The following ZNF606 variants were observed in gnomAD, a reference collection of about 807,000 sequenced individuals.
The protein encoded by ZNF606 is zinc finger protein 328.
In ZNF606, 37 loss-of-function variants were observed where a neutral mutation model predicts 74.9. The observed-to-expected ratio is 0.49, with a 90% CI of 0.38 to 0.65. The LOEUF is 0.65. Ranked by LOEUF, ZNF606 falls within the 30% of genes least tolerant of loss-of-function variation. The pLI is 0.00. For synonymous variants in ZNF606, 328 were observed against 312.4 expected (o/e 1.05, Z -0.53); for missense variants, 852 against 952.9 (o/e 0.89, Z 1.39).
chr19:58,001,052 C>A, intron 2 of ZNF606: 1 of 557,438 alleles, frequency 1.8e-6, no homozygotes, highest in Admixed American at 3.4e-5. Context: ...CCCCACAAAC[C>A]ACCAGAAAAA....
Position 58,002,676 on chromosome 19 carries a change from G to A in ZNF606, c.-332C>T, listed in dbSNP as rs537241242. 177 of 454,440 alleles carry A rather than the reference G, an allele frequency of 3.9e-4. 3 individuals are homozygous for A. The highest frequency in any genetic ancestry group is 3.3e-3 in the African/African-American group (164 of 49,936). 28.2% of individuals were successfully genotyped at this position (454,440 alleles called of 1,614,324 possible). On this transcript the variant is annotated 5_prime_UTR_variant, in exon 1 of 7. Transcript: ENST00000551380. ...CGACGGCGCAAAGCCGGCGCGGAAA[G>A]GGCAGGCGCAGGACCCACCCTGACG... is the stretch of plus-strand genomic sequence containing the variant.
At chr19:57,989,681 A>C (rs1444754895) in intron 4 of ZNF606, among the ~76,000 whole-genome samples, 1 of 151,670 alleles carries the variant, frequency 6.6e-6, no homozygotes, top group Non-Finnish European at 1.5e-5. Context: ...TCCTGATCTC[A>C]AGTGATCCGC....
rs1468016682 is a variant in ZNF606, at chr19:57,979,687, T to C, written c.993A>G (p.Ser331=). The C allele has an allele frequency of 2.5e-6, 4 of 1,613,630 alleles. No individual in the cohort carries two copies. The South Asian group carries it at 4.4e-5, about 18-fold the overall frequency. The change falls in exon 7 of 7, where the codon TCA becomes TCG. Residue 331 remains serine, a synonymous_variant. Coordinates refer to ENST00000551380, the MANE Select transcript of ZNF606 (RefSeq NM_001348022.3). ...ECHQIFNQSP[S]FNEHPRLHVG... ...CATGAAGCCTTGGGTGTTCATTAAA[T>C]GATGGGCTCTGGTTAAAGATTTGAT...
intron 6 of ZNF606, among the ~76,000 whole-genome samples, chr19:57,982,364 T>C (rs1030355392): frequency 1.3e-5 from 2 of 152,164 alleles, no homozygotes; most frequent in Non-Finnish European, 2.9e-5. Context: ...TGTGAGTACA[T>C]TTAGAATCCA....
Position 57,979,126 on chromosome 19 carries a change from C to T in ZNF606, c.1554G>A (p.Gly518=). 1 of 1,613,934 alleles carries T rather than the reference C, an allele frequency of 6.2e-7. No individual in the cohort carries two copies. Among genetic ancestry groups the T allele is most frequent in the Non-Finnish European group, 8.5e-7 (1 of 1,179,960 alleles). Residue 518 remains glycine, a synonymous_variant, in exon 7 of 7, where the codon GGG becomes GGA. Coordinates refer to ENST00000551380, the MANE Select transcript of ZNF606 (RefSeq NM_001348022.3). ...GATGGGAGCTCCAGCTGAATGATTT[C>T]CCACATTCAGTACATTCAAAAGGTT... is the stretch of plus-strand genomic sequence containing the variant. ...GEKPFECTEC[G]KSFSWSSHLI...
At chr19:57,994,292 TAG>T (rs2073303292) in intron 4 of ZNF606, among the ~76,000 whole-genome samples, 1 of 149,574 alleles carries the variant, frequency 6.7e-6, no homozygotes. Context: ...ACATGGAATA[TAG>T]AGAGATCAGA....
intron 4 of ZNF606, among the ~76,000 whole-genome samples, chr19:57,993,107 A>C (rs79872822): frequency 0.026 from 4,027 of 152,212 alleles, 202 homozygotes; most frequent in African/African-American, 0.093. Flanking sequence ...TTGCAGATGG[A>C]GGACAGGGCA....
At chr19:57,990,181 G>A (rs1322583218) in intron 4 of ZNF606, among the ~76,000 whole-genome samples, 8 of 150,822 alleles carry the variant, frequency 5.3e-5, no homozygotes, top group South Asian at 2.1e-4. Context: ...GCTAACACGC[G>A]GTAAAACATC....
intron 6 of ZNF606, among the ~76,000 whole-genome samples, chr19:57,983,208 A>G (rs535622064): frequency 1.3e-5 from 2 of 152,334 alleles, no homozygotes; most frequent in Non-Finnish European, 2.9e-5. Flanking sequence ...ACAAGGCAAG[A>G]AAGTACGGTC....
chr19:57,990,364 C>T (rs1419912492), intron 4 of ZNF606, among the ~76,000 whole-genome samples: 1 of 109,494 alleles, frequency 9.1e-6, no homozygotes, highest in African/African-American at 2.9e-5. Context: ...GACTCTGTCT[C>T]AAAAAAAAAA....
chr19:57,987,112 C>T (rs772753966), intron 6 of ZNF606, among the ~76,000 whole-genome samples: 5 of 151,986 alleles, frequency 3.3e-5, no homozygotes, highest in African/African-American at 4.8e-5. Context: ...TTGTAATCCC[C>T]AGGGCAACTA....
intron 4 of ZNF606, among the ~76,000 whole-genome samples, chr19:57,991,750 A>G (rs1397140745): frequency 6.6e-6 from 1 of 151,920 alleles, no homozygotes; most frequent in Non-Finnish European, 1.5e-5. Context: ...ACTGCACTCC[A>G]GCCTGGGCGA....
At chr19:58,002,958 TGCGTCGAA>T (rs763798510), upstream of ZNF606, 2 of 455,960 alleles carry the variant, frequency 4.4e-6, no homozygotes, top group South Asian at 3.1e-5. Context: ...TTCTGGCACC[TGCGTCGAA>T]GCCGGCGGCA....
At chr19:57,992,885 C>G (rs1202688037) in intron 4 of ZNF606, among the ~76,000 whole-genome samples, 1 of 152,172 alleles carries the variant, frequency 6.6e-6, no homozygotes, top group Non-Finnish European at 1.5e-5. Flanking sequence ...ATAACACCCC[C>G]CAAAGGATGC....
In ZNF606 at chr19:58,000,643, A is replaced by G. The variant is rs758500158; in HGVS notation, c.88+40T>C. The G allele has an allele frequency of 3.1e-6, 5 of 1,611,556 alleles. No individual in the cohort carries two copies. The South Asian group carries it at 4.4e-5, about 14-fold the overall frequency. Reference sequence around the variant, plus strand: ...TGGCAGAGCACTACAGCCAGAGGCCACAATATGGCAGCCCACAGCTGACCA... The same window carrying G: ...TGGCAGAGCACTACAGCCAGAGGCCGCAATATGGCAGCCCACAGCTGACCA... On this transcript the variant is annotated intron_variant, in intron 3 of 6. Coordinates refer to ENST00000551380, the MANE Select transcript of ZNF606 (RefSeq NM_001348022.3).
At chr19:57,999,982 C>G in intron 3 of ZNF606, 86 bp from the exon 4 acceptor site, 1 of 1,164,062 alleles carries the variant, frequency 8.6e-7, no homozygotes, top group Non-Finnish European at 1.2e-6. Flanking sequence ...CCAGCCCCTG[C>G]CCCTCCCCCT....
chr19:58,002,127 G>A (rs780662905), intron 1 of ZNF606: 2 of 456,022 alleles, frequency 4.4e-6, no homozygotes, highest in South Asian at 3.1e-5. Flanking sequence ...ACCGTACTTT[G>A]CACCATTATT....
At chr19:57,987,752 C>T (rs548041930) in intron 6 of ZNF606, among the ~76,000 whole-genome samples, 20 of 152,084 alleles carry the variant, frequency 1.3e-4, no homozygotes, top group African/African-American at 4.6e-4. Context: ...CGCTTGAACC[C>T]GGGAGGCAGA....
intron 4 of ZNF606, among the ~76,000 whole-genome samples, chr19:57,992,216 G>A (rs551949574): frequency 2.0e-5 from 3 of 152,314 alleles, no homozygotes; most frequent in East Asian, 3.9e-4. Flanking sequence ...CTGCTCAGCT[G>A]CAGGTGAAAG....
Sources: gnomAD v4.1 joint callset for allele counts (sites outside exome capture counted in the v4.1 genomes callset) on GRCh38, gnomAD v4.1.1 for gene constraint, MANE v1.5 for transcripts, NCBI Gene and HGNC (gene_info 2026-07-23, HGNC 2026-07-21) for gene names.